TMEM196: variants seen among roughly 807,000 people sequenced by gnomAD.
The protein encoded by TMEM196 is transmembrane protein 196.
Under a neutral mutation model 20.0 loss-of-function variants are expected in TMEM196, and 17 were observed. That is an observed-to-expected ratio of 0.85 (90% CI 0.58 to 1.27). TMEM196 has a LOEUF of 1.27. Ranked by LOEUF, TMEM196 falls within the 50% of genes most tolerant of loss-of-function variation. TMEM196 has a pLI of 0.00. For synonymous variants in TMEM196, 113 were observed against 88.9 expected, an observed-to-expected ratio of 1.27 and a Z score of -1.52; for missense variants, 267 against 223.0, an observed-to-expected ratio of 1.20 and a Z score of -1.26.
intron 2 of TMEM196, among the ~76,000 whole-genome samples, chr7:19,728,906 C>G (rs1784092586): frequency 6.6e-6 from 1 of 152,204 alleles, no homozygotes; most frequent in Admixed American, 6.5e-5. Context: ...AAATAAATCT[C>G]TGAGAATTAA....
At chr7:19,727,345 T>C (rs1784034332) in intron 2 of TMEM196, among the ~76,000 whole-genome samples, 1 of 152,212 alleles carries the variant, frequency 6.6e-6, no homozygotes, top group Non-Finnish European at 1.5e-5. Context: ...TGGAGAAGGC[T>C]TTCTTGAGAA....
At chr7:19,756,034 T>TAA (rs35652330) in intron 1 of TMEM196, among the ~76,000 whole-genome samples, 1,612 of 139,614 alleles carry the variant, frequency 0.012, 34 homozygotes, top group African/African-American at 0.039. Context: ...AGACTCTATT[T>TAA]AAAAAAAAAA....
rs187106157 is a variant in TMEM196 at position 19,764,380 on chromosome 7, C to A, written c.147+8170G>T. ...TTCAGGACCTTTTCAAGACTGGTAC[C>A]ATCTTTTTTAGTTGAGGCAGATCTT... On this transcript the variant is annotated intron_variant, in intron 1 of 4. Transcript: ENST00000405844. 3.2e-4 allele frequency among the ~76,000 whole-genome samples: 49 copies of A among 152,246 alleles called. 1 individual carries two copies. The East Asian group carries it at 9.1e-3, about 28-fold the overall frequency.
intron 1 of TMEM196, among the ~76,000 whole-genome samples, chr7:19,756,631 A>G (rs1255641389): frequency 7.1e-6 from 1 of 141,706 alleles, no homozygotes; most frequent in Non-Finnish European, 1.6e-5. Context: ...AGCTCACTTT[A>G]AAAGTGAGCT....
chr7:19,772,470 A>G (rs937870263), intron 1 of TMEM196, 80 bp downstream of exon 1: 24 of 1,367,614 alleles, frequency 1.8e-5, no homozygotes, highest in Middle Eastern at 5.5e-4. Context: ...GGGAGTGACT[A>G]ATGCGCGCAC....
chr7:19,753,722 G>T (rs144071896), intron 1 of TMEM196, among the ~76,000 whole-genome samples: 241 of 152,200 alleles, frequency 1.6e-3, no homozygotes, highest in African/African-American at 5.3e-3. Context: ...AAAGAAGAAG[G>T]CTTCAAATCC....
chr7:19,725,084 C>T (rs2128012384), intron 3 of TMEM196, among the ~76,000 whole-genome samples: 1 of 152,226 alleles, frequency 6.6e-6, no homozygotes, highest in African/African-American at 2.4e-5. Flanking sequence ...TATTAAAAAG[C>T]CCCTTTATAC....
chr7:19,753,211 C>CAATA (rs931913296), intron 1 of TMEM196, among the ~76,000 whole-genome samples: 1 of 152,028 alleles, frequency 6.6e-6, no homozygotes, highest in African/African-American at 2.4e-5. Flanking sequence ...TGGCTTATTA[C>CAATA]GTTTTGACTC....
chr7:19,735,336 T>A (rs758198166), intron 1 of TMEM196, among the ~76,000 whole-genome samples: 15 of 152,312 alleles, frequency 9.8e-5, no homozygotes, highest in Non-Finnish European at 1.3e-4. Flanking sequence ...TAAATGTGAA[T>A]GTTTTCCATT....
chr7:19,754,324 C>T (rs1785115526), intron 1 of TMEM196, among the ~76,000 whole-genome samples: 1 of 152,092 alleles, frequency 6.6e-6, no homozygotes, highest in Admixed American at 6.5e-5. Flanking sequence ...CCCTTGGATC[C>T]AGAGTCCAGT....
intron 3 of TMEM196, among the ~76,000 whole-genome samples, chr7:19,724,593 C>G (rs78120655): frequency 0.026 from 3,903 of 152,216 alleles, 79 homozygotes; most frequent in South Asian, 0.068. Flanking sequence ...AATTTGAGAA[C>G]ACTTGCTCTC....
chr7:19,721,834 T>G lies in TMEM196; in HGVS notation c.*294A>C. ...TATTATCTCTTTTTCCTGAAAAGTC[T>G]TCTTTAGAACAATCTGGAAAGCCTC... On this transcript the variant is annotated 3_prime_UTR_variant, in exon 5 of 5. Coordinates refer to ENST00000405844, the MANE Select transcript of TMEM196 (RefSeq NM_001363562.2). 2.4e-6 allele frequency: 1 copy of G among 408,250 alleles called. No homozygotes were observed. The highest frequency in any genetic ancestry group is 4.3e-6 in the Non-Finnish European group (1 of 231,784). The allele number at this position is 408,250 out of a possible 1,614,324, so 25.3% of individuals were successfully genotyped here.
chr7:19,762,094 A>T (rs1785458094), intron 1 of TMEM196, among the ~76,000 whole-genome samples: 1 of 152,204 alleles, frequency 6.6e-6, no homozygotes, highest in African/African-American at 2.4e-5. Context: ...CAAAAGTGAC[A>T]GAAAAATCAT....
At chr7:19,762,497 C>A (rs1785473485) in intron 1 of TMEM196, among the ~76,000 whole-genome samples, 1 of 151,906 alleles carries the variant, frequency 6.6e-6, no homozygotes, top group South Asian at 2.1e-4. Context: ...TTCATAATAA[C>A]AATTTAATAA....
chr7:19,742,667 C>A (rs987278856), intron 1 of TMEM196, among the ~76,000 whole-genome samples: 10 of 152,108 alleles, frequency 6.6e-5, no homozygotes, highest in Non-Finnish European at 1.0e-4. Context: ...TGTGAGGACT[C>A]AGTTTTGGCT....
intron 3 of TMEM196, 113 bp downstream of exon 3, chr7:19,725,401 T>C (rs1180780911): frequency 5.9e-6 from 8 of 1,358,562 alleles, no homozygotes; most frequent in Non-Finnish European, 7.9e-6. Flanking sequence ...TAGAGCCAAA[T>C]GTATAAAATC....
At chr7:19,738,732 C>A (rs999725642) in intron 1 of TMEM196, among the ~76,000 whole-genome samples, 4 of 151,968 alleles carry the variant, frequency 2.6e-5, no homozygotes, top group Non-Finnish European at 5.9e-5. Flanking sequence ...GGGATTATGA[C>A]CCAATGTGTA....
chr7:19,773,033 C>CCATATTT lies in TMEM196; in HGVS notation c.-338_-337insAAATATG. ...CCCAGGGAGCTCCGAGCCTTGCTCC[C>CCATATTT]CAGGCGCTGTCCAGAGTTCTGCCGC... On this transcript the variant is annotated 5_prime_UTR_variant, in exon 1 of 5. It adds an upstream start codon to the 5' untranslated region. Transcript: ENST00000405844. 1 of 199,260 alleles carries CCATATTT rather than the reference C, an allele frequency of 5.0e-6. No individual in the cohort carries two copies. The highest frequency in any genetic ancestry group is 1.0e-5 in the Non-Finnish European group (1 of 99,236). 12.3% of individuals were successfully genotyped at this position (199,260 alleles called of 1,614,324 possible). A position where few individuals can be genotyped will look rare whatever the true frequency, so the allele number is the denominator to read the frequency against.
In TMEM196 at chr7:19,772,803, C is replaced by T. The variant is rs1444023260; in HGVS notation, c.-107G>A. The T allele has an allele frequency of 8.8e-7, 1 of 1,134,816 alleles. No individual in the cohort carries two copies. The allele number at this position is 1,134,816 out of a possible 1,614,324, so 70.3% of individuals were successfully genotyped here. On this transcript the variant is annotated 5_prime_UTR_variant, in exon 1 of 5. Transcript: ENST00000405844. ...TTCCACCCCCTACCAGATCCCAAAA[C>T]TTTTCTTTCTTCAAGAGCGAGGCAT...
Sources: gnomAD v4.1 joint callset for allele counts (sites outside exome capture counted in the v4.1 genomes callset) on GRCh38, gnomAD v4.1.1 for gene constraint, MANE v1.5 for transcripts, NCBI Gene and HGNC (gene_info 2026-07-23, HGNC 2026-07-21) for gene names.